FHOD3: variants seen among roughly 807,000 people sequenced by gnomAD.
The protein encoded by FHOD3 is formin homology 2 domain containing 3.
In FHOD3, 90 loss-of-function variants were observed where a neutral mutation model predicts 173.0. The observed-to-expected ratio is 0.52, with a 90% CI of 0.44 to 0.62. The LOEUF is 0.62. Ranked by LOEUF, FHOD3 falls within the 20% of genes least tolerant of loss-of-function variation. The probability of loss-of-function intolerance (pLI) is 0.00; values close to 1 mark genes in which losing one functional copy is unlikely to be tolerated. For missense variants in FHOD3, 1,945 were observed against 2,034.7 expected, an observed-to-expected ratio of 0.96 and a Z score of 0.85; for synonymous variants, 828 against 823.0, an observed-to-expected ratio of 1.01 and a Z score of -0.10.
intron 3 of FHOD3, among the ~76,000 whole-genome samples, chr18:36,425,677 T>C (rs987164912): frequency 6.6e-6 from 1 of 152,160 alleles, no homozygotes; most frequent in African/African-American, 2.4e-5. Context: ...TGATCTGGGT[T>C]TGTTTTAATG....
At chr18:36,625,157 A>T (rs993175555) in intron 9 of FHOD3, among the ~76,000 whole-genome samples, 3 of 152,136 alleles carry the variant, frequency 2.0e-5, no homozygotes, top group Non-Finnish European at 4.4e-5. Flanking sequence ...CAGAAAAGAG[A>T]CACGGGTGGG....
chr18:36,330,995 C>T (rs960692995), intron 1 of FHOD3, among the ~76,000 whole-genome samples: 12 of 152,266 alleles, frequency 7.9e-5, no homozygotes, highest in Admixed American at 6.5e-4. Context: ...GCTCCCCAGG[C>T]GCTCTCCTGC....
At chr18:36,611,809 G>T (rs2032707793) in intron 8 of FHOD3, 143 bp from the exon 9 acceptor site, 7 of 760,068 alleles carry the variant, frequency 9.2e-6, no homozygotes, top group Non-Finnish European at 1.4e-5. Flanking sequence ...AGAGGCTTTT[G>T]CTCAAATAAA....
intron 3 of FHOD3, among the ~76,000 whole-genome samples, chr18:36,373,998 A>C (rs565034856): frequency 6.6e-6 from 1 of 152,354 alleles, no homozygotes; most frequent in African/African-American, 2.4e-5. Flanking sequence ...GTTGAAGTTA[A>C]ATGTTGAAAC....
At chr18:36,534,400 G>A (rs1409214126) in intron 5 of FHOD3, among the ~76,000 whole-genome samples, 2 of 152,250 alleles carry the variant, frequency 1.3e-5, no homozygotes, top group Admixed American at 6.5e-5. Flanking sequence ...GGCTGTTCCT[G>A]CAGCTGGTCC....
intron 5 of FHOD3, among the ~76,000 whole-genome samples, chr18:36,525,011 A>G (rs2056448216): frequency 1.3e-5 from 2 of 152,178 alleles, no homozygotes; most frequent in Admixed American, 1.3e-4. Flanking sequence ...AAGTGACATA[A>G]ATCCTGTGAT....
chr18:36,687,105 T>C, intron 15 of FHOD3, 23 bp from the exon 16 acceptor site: 2 of 1,581,302 alleles, frequency 1.3e-6, no homozygotes, highest in Non-Finnish European at 1.7e-6. Context: ...TTCCTGTTTG[T>C]TTGTTCTACA....
chr18:36,705,642 A>T (rs1343944172), intron 17 of FHOD3, among the ~76,000 whole-genome samples: 4 of 152,142 alleles, frequency 2.6e-5, no homozygotes, highest in Non-Finnish European at 5.9e-5. Context: ...AGCCTCTGTG[A>T]CAGAGCTAGG....
intron 2 of FHOD3, among the ~76,000 whole-genome samples, chr18:36,369,610 A>G (rs540280308): frequency 7.2e-4 from 110 of 152,078 alleles, no homozygotes; most frequent in African/African-American, 2.5e-3. Context: ...TGTATATATA[A>G]TATATATGTT....
chr18:36,615,937 C>T lies in FHOD3; in HGVS notation c.957+3842C>T, dbSNP rs147687841. ...GGGCCCAACATATTTGCTGGCAGCA[C>T]TTGAAGCTGCCAACAGCCACCAGCT... On this transcript the variant is annotated intron_variant, in intron 9 of 28. Coordinates refer to ENST00000590592, the MANE Select transcript of FHOD3 (RefSeq NM_001281740.3). 4.8e-3 allele frequency among the ~76,000 whole-genome samples: 733 copies of T among 152,304 alleles called. 4 individuals are homozygous for T. Among genetic ancestry groups the T allele is most frequent in the African/African-American group, 0.017 (710 of 41,568 alleles).
At chr18:36,511,350 T>C (rs1005543812) in intron 4 of FHOD3, among the ~76,000 whole-genome samples, 5 of 147,722 alleles carry the variant, frequency 3.4e-5, no homozygotes, top group South Asian at 2.1e-4. Flanking sequence ...TAAATGATCT[T>C]GCCAATGTTT....
At position 36,724,806 on chromosome 18, in the gene FHOD3, G is replaced by C. The variant is rs369721015; in HGVS notation, c.3418-5840G>C. Among the ~76,000 whole-genome samples the C allele has an allele frequency of 9.8e-5, 15 of 152,324 alleles. 1 individual carries two copies. Among genetic ancestry groups the C allele is most frequent in the Admixed American group, 9.8e-4 (15 of 15,298 alleles). ...TCCGGAGACTGTCTTTCCTCCAGGGGAGAAGGGCTACTACGGGCATGTTGG... is the reference window on the plus strand; with the variant it reads ...TCCGGAGACTGTCTTTCCTCCAGGGCAGAAGGGCTACTACGGGCATGTTGG... On this transcript the variant is annotated intron_variant, in intron 19 of 28. Coordinates refer to ENST00000590592, the MANE Select transcript of FHOD3 (RefSeq NM_001281740.3).
intron 1 of FHOD3, among the ~76,000 whole-genome samples, chr18:36,323,243 C>T (rs1393146169): frequency 2.0e-5 from 3 of 152,142 alleles, no homozygotes; most frequent in Non-Finnish European, 4.4e-5. Context: ...GTTGGGAACT[C>T]AAAGGCCAGC....
At chr18:36,460,286 C>T (rs1438619632) in intron 3 of FHOD3, among the ~76,000 whole-genome samples, 3 of 152,172 alleles carry the variant, frequency 2.0e-5, no homozygotes, top group South Asian at 2.1e-4. Context: ...ATGGGACTTA[C>T]CCCTCTGTTA....
intron 3 of FHOD3, among the ~76,000 whole-genome samples, chr18:36,401,119 A>G (rs928379001): frequency 5.9e-5 from 9 of 152,162 alleles, no homozygotes; most frequent in South Asian, 4.1e-4. Flanking sequence ...TGTGGTCTGA[A>G]TATTGGTGTC....
At chr18:36,504,327 A>G (rs2055185853) in intron 4 of FHOD3, among the ~76,000 whole-genome samples, 1 of 152,122 alleles carries the variant, frequency 6.6e-6, no homozygotes, top group African/African-American at 2.4e-5. Flanking sequence ...CCCTCTCAGA[A>G]TGATCACTCA....
chr18:36,732,551 C>A (rs575664750), intron 20 of FHOD3, among the ~76,000 whole-genome samples: 2 of 152,226 alleles, frequency 1.3e-5, no homozygotes, highest in Non-Finnish European at 2.9e-5. Flanking sequence ...TGTGTTCAAA[C>A]TTCCTTCTTC....
chr18:36,456,818 A>G (rs1319986569), intron 3 of FHOD3, among the ~76,000 whole-genome samples: 1 of 152,124 alleles, frequency 6.6e-6, no homozygotes, highest in African/African-American at 2.4e-5. Flanking sequence ...TGAGACTGTC[A>G]TCCTCCCTCT....
chr18:36,656,922 A>C (rs948015364), intron 13 of FHOD3, among the ~76,000 whole-genome samples: 1 of 152,224 alleles, frequency 6.6e-6, no homozygotes, highest in Non-Finnish European at 1.5e-5. Flanking sequence ...TCTGGAAAGA[A>C]AAAGAAAAAA....
Sources: allele counts gnomAD v4.1 joint callset (sites outside exome capture counted in the v4.1 genomes callset), GRCh38; gene constraint gnomAD v4.1.1; transcripts MANE v1.5; gene names NCBI Gene and HGNC (gene_info 2026-07-23, HGNC 2026-07-21).